GTF2IRD1: variants seen among roughly 807,000 people sequenced by gnomAD.
GTF2IRD1 encodes general transcription factor II-I repeat domain-containing protein 1.
Under a neutral mutation model 113.2 loss-of-function variants are expected in GTF2IRD1, and 26 were observed. That is an observed-to-expected ratio of 0.23 (90% confidence interval 0.17 to 0.32). The LOEUF is 0.32. Ranked by LOEUF, GTF2IRD1 falls within the 10% of genes least tolerant of loss-of-function variation. The probability of loss-of-function intolerance (pLI) is 1.00; values close to 1 mark genes in which losing one functional copy is unlikely to be tolerated. For synonymous variants in GTF2IRD1, 484 were observed against 529.1 expected (o/e 0.91, Z 1.17); for missense variants, 864 against 1,280.8 (o/e 0.67, Z 4.97).
chr7:74,496,615 G>C (rs61228324), intron 1 of GTF2IRD1, among the ~76,000 whole-genome samples: 12,810 of 142,606 alleles, frequency 0.09, 1,249 homozygotes, highest in East Asian at 0.38. Context: ...CATGTATGTG[G>C]GTGTGCGTGT....
At chr7:74,496,396 G>T (rs559671911) in intron 1 of GTF2IRD1, among the ~76,000 whole-genome samples, 49 of 148,020 alleles carry the variant, frequency 3.3e-4, no homozygotes, top group Admixed American at 1.7e-3. Flanking sequence ...GATATATGTG[G>T]GTGTGTGTGC....
At chr7:74,572,924 G>A (rs782386773) in intron 22 of GTF2IRD1, among the ~76,000 whole-genome samples, 1 of 152,118 alleles carries the variant, frequency 6.6e-6, no homozygotes, top group Non-Finnish European at 1.5e-5. Flanking sequence ...CCCTACTGCC[G>A]GGCCCAGAGT....
chr7:74,525,106 G>C, intron 8 of GTF2IRD1, among the ~76,000 whole-genome samples: 1 of 152,100 alleles, frequency 6.6e-6, no homozygotes, highest in East Asian at 1.9e-4. Flanking sequence ...AATCTCTGTT[G>C]GCCTCATGTG....
intron 23 of GTF2IRD1, 75 bp downstream of exon 23, chr7:74,590,003 G>C: frequency 1.6e-5 from 15 of 953,326 alleles, no homozygotes; most frequent in Non-Finnish European, 2.5e-5. Context: ...TCTGCAGCCA[G>C]CCTGGCTTTC....
intron 1 of GTF2IRD1, among the ~76,000 whole-genome samples, chr7:74,492,319 T>C (rs562153022): frequency 9.9e-5 from 15 of 152,124 alleles, no homozygotes; most frequent in East Asian, 1.9e-4. Flanking sequence ...TACAGGTGCC[T>C]GCCACCACGC....
At chr7:74,525,340 G>A (rs1411131938) in intron 8 of GTF2IRD1, among the ~76,000 whole-genome samples, 8 of 152,044 alleles carry the variant, frequency 5.3e-5, no homozygotes, top group Non-Finnish European at 1.2e-4. Context: ...GGAACTTGAC[G>A]CCCCCTGCCT....
chr7:74,508,344 T>C (rs914336655), intron 2 of GTF2IRD1, 141 bp downstream of exon 2: 13 of 834,230 alleles, frequency 1.6e-5, no homozygotes, highest in African/African-American at 1.4e-4. Context: ...AGGGCCACGA[T>C]GCCTGCATCA....
intron 22 of GTF2IRD1, among the ~76,000 whole-genome samples, chr7:74,562,454 C>T (rs1554359351): frequency 6.6e-6 from 1 of 151,680 alleles, no homozygotes; most frequent in African/African-American, 2.4e-5. Flanking sequence ...TTCCTTACCG[C>T]CAAGATGGAC....
intron 5 of GTF2IRD1, among the ~76,000 whole-genome samples, chr7:74,518,717 C>T (rs981359199): frequency 6.6e-6 from 1 of 151,650 alleles, no homozygotes; most frequent in Non-Finnish European, 1.5e-5. Context: ...CTGTCTCTGC[C>T]AAAAAATAAA....
intron 25 of GTF2IRD1, among the ~76,000 whole-genome samples, chr7:74,599,380 A>T (rs1802611560): frequency 6.6e-6 from 1 of 152,124 alleles, no homozygotes; most frequent in Non-Finnish European, 1.5e-5. Context: ...ACCTCAAGTT[A>T]ATCCAGCAAC....
At position 74,582,179 on chromosome 7, in the gene GTF2IRD1, A is replaced by G. The variant is rs2267814; in HGVS notation, c.2321-7672A>G. ...GCCAGCCTGCACACCTCAGAGCCCA[A>G]CAGGAATATCTGTTCAGATCGAGAC... is the stretch of plus-strand genomic sequence containing the variant. On this transcript the variant is annotated intron_variant, in intron 22 of 26. Transcript: ENST00000424337. 1.3e-3 allele frequency among the ~76,000 whole-genome samples: 202 copies of G among 152,336 alleles called. 3 individuals carry two copies. The East Asian group carries it at 0.031, about 24-fold the overall frequency.
At chr7:74,546,084 C>T (rs1798911929) in intron 16 of GTF2IRD1, among the ~76,000 whole-genome samples, 1 of 152,110 alleles carries the variant, frequency 6.6e-6, no homozygotes, top group Admixed American at 6.6e-5. Flanking sequence ...CGCCAGCCCT[C>T]AGCCCTCCGC....
In GTF2IRD1 at chr7:74,536,256, G is replaced by T; in HGVS notation, c.1390G>T (p.Asp464Tyr). 2 of 1,609,992 alleles carry T rather than the reference G, an allele frequency of 1.2e-6. No individual in the cohort carries two copies. Among genetic ancestry groups the T allele is most frequent in the Non-Finnish European group, 1.7e-6 (2 of 1,176,472 alleles). ...AGAGGTCTCTAGGGCCACCGTCCTT[G>T]ACCTTGCTGGGAATGCTCGGTGAGG... Reference protein sequence around the residue: ...SAEVSRATVLDLAGNARSDKG... With the variant: ...SAEVSRATVLYLAGNARSDKG... Residue 464 changes from aspartate to tyrosine, a missense_variant, in exon 11 of 27, where the codon GAC (aspartate) becomes TAC (tyrosine). This residue lies in a region of GTF2IRD1 where 218 missense variants were observed against 352.6 expected (regional missense o/e 0.62). Transcript: ENST00000424337.
intron 1 of GTF2IRD1, among the ~76,000 whole-genome samples, chr7:74,477,756 GC>G (rs1475337392): frequency 6.6e-6 from 1 of 151,600 alleles, no homozygotes; most frequent in Non-Finnish European, 1.5e-5. Context: ...CGGGGAGTGA[GC>G]CGGCTCAGGC....
At chr7:74,583,918 G>A (rs782755374) in intron 22 of GTF2IRD1, among the ~76,000 whole-genome samples, 7 of 152,116 alleles carry the variant, frequency 4.6e-5, no homozygotes, top group Non-Finnish European at 7.3e-5. Flanking sequence ...CACATCCTTG[G>A]AGCTTTGGGC....
At chr7:74,564,423 A>G (rs1197277098) in intron 22 of GTF2IRD1, among the ~76,000 whole-genome samples, 2 of 152,178 alleles carry the variant, frequency 1.3e-5, no homozygotes, top group African/African-American at 4.8e-5. Context: ...GTGAGAGTAC[A>G]GCCACTCCTG....
rs1178298791 is a variant in GTF2IRD1, at chr7:74,491,311, C to CTT, written c.-6-16742_-6-16741dup. Among the ~76,000 whole-genome samples the CTT allele has an allele frequency of 8.2e-3, 782 of 95,668 alleles. 10 individuals are homozygous for CTT. Among genetic ancestry groups the CTT allele is most frequent in the African/African-American group, 0.029 (722 of 24,982 alleles). The allele number at this position is 95,668 out of a possible 152,430, so 62.8% of individuals were successfully genotyped here. A position where few individuals can be genotyped will look rare whatever the true frequency, so the allele number is the denominator to read the frequency against. ...ACAGAGTGAGGGAGAAAAAAAAATT[C>CTT]TTTTTTTTTTTTTTTTTTTTTTTAC... On this transcript the variant is annotated intron_variant, in intron 1 of 26. Coordinates refer to ENST00000424337, the MANE Select transcript of GTF2IRD1 (RefSeq NM_005685.4).
intron 25 of GTF2IRD1, among the ~76,000 whole-genome samples, chr7:74,599,313 G>C (rs1802605496): frequency 1.3e-5 from 2 of 152,130 alleles, no homozygotes; most frequent in Admixed American, 6.6e-5. Flanking sequence ...GGCTGGGCGA[G>C]GTTTCCATGC....
intron 1 of GTF2IRD1, among the ~76,000 whole-genome samples, chr7:74,467,220 A>T (rs1397061373): frequency 6.6e-6 from 1 of 151,952 alleles, no homozygotes; most frequent in Non-Finnish European, 1.5e-5. Flanking sequence ...AAATGCTGGG[A>T]TTACAGGGGT....
Sources: gnomAD v4.1 joint callset for allele counts (sites outside exome capture counted in the v4.1 genomes callset) on GRCh38, gnomAD v4.1.1 for gene constraint, gnomAD v4.1.1 regional missense constraint, MANE v1.5 for transcripts, NCBI Gene and HGNC (gene_info 2026-07-23, HGNC 2026-07-21) for gene names.